The following TRMT1 variants were observed in gnomAD, a reference collection of about 807,000 sequenced individuals.
The protein encoded by TRMT1 is tRNA methyltransferase 1.
A neutral mutation model predicts 75.4 loss-of-function variants in TRMT1; 63 were observed. That is an observed-to-expected ratio of 0.84 (90% CI 0.68 to 1.03). The LOEUF is 1.03. Among genes scored for constraint, TRMT1 ranks in the 50% least tolerant of loss-of-function variants. TRMT1 has a pLI of 0.00. For missense variants in TRMT1, 870 were observed against 905.3 expected (o/e 0.96, Z 0.50); for synonymous variants, 382 against 358.1 (o/e 1.07, Z -0.75).
At position 13,107,797 on chromosome 19, in the gene TRMT1, T is replaced by C; in HGVS notation, c.1460A>G (p.Lys487Arg). Residue 487 changes from lysine (K) to arginine (R), a missense_variant, in exon 13 of 17, where the codon AAG (lysine) becomes AGG (arginine). By Grantham distance (26) the Lys-to-Arg change is conservative. Transcript: ENST00000357720. ...SLSHACKNAV[K>R]TDAPASALWD... ...GAGGGCAGAGGCAGGGGCATCCGTCTTCACAGCGTTCTTACAGGCGTGGGA... is the reference window on the plus strand; with the variant it reads ...GAGGGCAGAGGCAGGGGCATCCGTCCTCACAGCGTTCTTACAGGCGTGGGA... 1 of 1,552,406 alleles carries C rather than the reference T, an allele frequency of 6.4e-7. No individual in the cohort carries two copies. The highest frequency in any genetic ancestry group is 8.7e-7 in the Non-Finnish European group (1 of 1,147,348).
chr19:13,109,935 C>G lies in TRMT1; in HGVS notation c.1086G>C (p.Ala362=). ...GAFHLQRLGK[A]SGVPSGRAKF... is the part of the protein sequence containing the mutation. ...CTCACCGGCCGCTGGGGACTCCTGA[C>G]GCTTTGCCGAGACGCTGAAGGTGGA... Residue 362 remains alanine (A), a synonymous_variant, in exon 9 of 17, where the codon GCG becomes GCC. Coordinates refer to ENST00000357720, the MANE Select transcript of TRMT1 (RefSeq NM_001136035.4). The G allele has an allele frequency of 6.2e-7, 1 of 1,614,002 alleles. No individual in the cohort carries two copies. The highest frequency in any genetic ancestry group is 8.5e-7 in the Non-Finnish European group (1 of 1,179,992).
At chr19:13,112,671 G>A (rs1448529451) in intron 7 of TRMT1, 34 bp downstream of exon 7, 8 of 1,594,066 alleles carry the variant, frequency 5.0e-6, no homozygotes, top group Non-Finnish European at 6.0e-6. Flanking sequence ...CCTGTCCCCC[G>A]GTCTCCCTGG....
At position 13,115,728 on chromosome 19, in the gene TRMT1, C is replaced by T. The variant is rs1430162402; in HGVS notation, c.351G>A (p.Val117=). ...PGEKDTQKVV[V]DLSEQEEEKV... The stretch of plus-strand genomic sequence containing the variant: ...TTTCCTCCTCTTGCTCTGACAAGTC[C>T]ACGACCACTTTTTGCGTGTCCTTCT... Residue 117 remains valine (V), a synonymous_variant, in exon 4 of 17, where the codon GTG becomes GTA. Coordinates refer to ENST00000357720, the MANE Select transcript of TRMT1 (RefSeq NM_001136035.4). 1 of 1,614,090 alleles carries T rather than the reference C, an allele frequency of 6.2e-7. No homozygotes were observed. Among genetic ancestry groups the T allele is most frequent in the Admixed American group, 1.7e-5 (1 of 60,022 alleles).
intron 12 of TRMT1, among the ~76,000 whole-genome samples, chr19:13,108,909 C>T (rs1255947074): frequency 6.8e-6 from 1 of 146,910 alleles, no homozygotes; most frequent in Non-Finnish European, 1.5e-5. Flanking sequence ...TAAGCCTGGC[C>T]TAATTTTTTT....
chr19:13,110,089 C>T, intron 8 of TRMT1, 69 bp downstream of exon 8: 8 of 1,608,488 alleles, frequency 5.0e-6, no homozygotes, highest in Non-Finnish European at 6.8e-6. Context: ...CTTAAGAAGC[C>T]CCAGATCCCC....
chr19:13,116,282 C>T lies in TRMT1; in HGVS notation c.118G>A (p.Gly40Ser). The T allele has an allele frequency of 6.2e-7, 1 of 1,614,144 alleles. No homozygotes were observed. The highest frequency in any genetic ancestry group is 1.1e-5 in the South Asian group (1 of 91,080). Residue 40 changes from glycine to serine, a missense_variant, in exon 2 of 17, where the codon GGC (glycine) becomes AGC (serine). By Grantham distance (56) the Gly-to-Ser change is moderately conservative. Coordinates refer to ENST00000357720, the MANE Select transcript of TRMT1 (RefSeq NM_001136035.4). Reference protein sequence around the residue: ...GLPNTAAMENGTGPYGEERPR... With the variant: ...GLPNTAAMENSTGPYGEERPR... The stretch of plus-strand genomic sequence containing the variant: ...CGTTCTTCTCCGTAGGGCCCGGTGC[C>T]GTTCTCCATCGCTGCTGTATTCGGC...
intron 12 of TRMT1, among the ~76,000 whole-genome samples, chr19:13,108,538 C>T (rs1242116698): frequency 2.0e-5 from 3 of 152,144 alleles, no homozygotes; most frequent in Non-Finnish European, 2.9e-5. Flanking sequence ...AGTGATTCGC[C>T]CGCCTCAGCC....
In TRMT1 at chr19:13,116,732, A is replaced by C. The variant is rs541952931; in HGVS notation, c.-112T>G. On this transcript the variant is annotated 5_prime_UTR_variant, in exon 1 of 17. Transcript: ENST00000357720. ...AGGACCTGGGCGCCGCCATGTTGGC[A>C]CAGTGGGTGGGCGAATCACATGATA... 33 of 343,810 alleles carry C rather than the reference A, an allele frequency of 9.6e-5. No homozygotes were observed. The East Asian group carries it at 1.5e-3, about 16-fold the overall frequency. The allele number at this position is 343,810 out of a possible 1,614,324, so 21.3% of individuals were successfully genotyped here. A position where few individuals can be genotyped will look rare whatever the true frequency, so the allele number is the denominator to read the frequency against.
intron 14 of TRMT1, 59 bp downstream of exon 14, chr19:13,107,515 C>CA: frequency 6.5e-7 from 1 of 1,529,182 alleles, no homozygotes; most frequent in African/African-American, 1.4e-5. Context: ...TGTCTGCACA[C>CA]ACATGTGCTT....
chr19:13,116,109 C>T lies in TRMT1; in HGVS notation c.254+37G>A, dbSNP rs779861320. 1.5e-5 allele frequency: 25 copies of T among 1,613,832 alleles called. No homozygotes were observed. In the African/African-American group the frequency reaches 3.1e-4, roughly 20 times the overall value. On this transcript the variant is annotated intron_variant, in intron 2 of 16. Transcript: ENST00000357720. ...CGCCCCCGCCATCCACACTGACCCA[C>T]TAGCCGATGCCAGGCTAACGTCTGA... is the stretch of plus-strand genomic sequence containing the variant.
intron 12 of TRMT1, among the ~76,000 whole-genome samples, chr19:13,108,489 C>T (rs117752203): frequency 0.016 from 2,406 of 150,278 alleles, 35 homozygotes; most frequent in Non-Finnish European, 0.027. Flanking sequence ...GATGGGGTTT[C>T]GCCACGTTGA....
At chr19:13,113,207 G>A (rs1372976701) in intron 5 of TRMT1, among the ~76,000 whole-genome samples, 196 bp from the exon 6 acceptor site, 1 of 152,066 alleles carries the variant, frequency 6.6e-6, no homozygotes, top group Admixed American at 6.6e-5. Context: ...TCAGCCAGCT[G>A]GAGTGCAGTG....
Position 13,116,037 on chromosome 19 carries a change from G to A in TRMT1, c.270C>T (p.Thr90=), listed in dbSNP as rs1269062044. The change falls in exon 3 of 17, where the codon ACC becomes ACT. Residue 90 remains threonine, a synonymous_variant. Coordinates refer to ENST00000357720, the MANE Select transcript of TRMT1 (RefSeq NM_001136035.4). The part of the protein sequence containing the change: ...FNRDLTCAVI[T]EFARIQLGAK... Reference sequence around the variant, plus strand: ...CCCCAAGCTGAATGCGAGCAAACTCGGTGATCACAGCACATCTGGTGGGAG... The same window carrying A: ...CCCCAAGCTGAATGCGAGCAAACTCAGTGATCACAGCACATCTGGTGGGAG... 1 of 1,613,990 alleles carries A rather than the reference G, an allele frequency of 6.2e-7. No individual in the cohort carries two copies. The highest frequency in any genetic ancestry group is 8.5e-7 in the Non-Finnish European group (1 of 1,179,990).
Position 13,110,010 on chromosome 19 carries a change from G to C in TRMT1, c.1020-9C>G. 1 of 1,612,950 alleles carries C rather than the reference G, an allele frequency of 6.2e-7. No individual in the cohort carries two copies. The highest frequency in any genetic ancestry group is 2.2e-5 in the East Asian group (1 of 44,862). ...ACACCAGCGCCTGCTTGCTGTGGGG[G>C]GTACCAGTGGCCACGAGTTCCCAGC... On this transcript the variant is annotated splice_polypyrimidine_tract_variant and intron_variant, in intron 8 of 16. Coordinates refer to ENST00000357720, the MANE Select transcript of TRMT1 (RefSeq NM_001136035.4).
chr19:13,114,701 C>T (rs980137274), intron 5 of TRMT1, among the ~76,000 whole-genome samples: 10 of 150,994 alleles, frequency 6.6e-5, no homozygotes, highest in African/African-American at 2.4e-4. Flanking sequence ...ATTAGCCAGG[C>T]GTGGTGGCAC....
chr19:13,115,807 G>A (rs1182989788), intron 3 of TRMT1, 39 bp from the exon 4 acceptor site: 1 of 1,612,480 alleles, frequency 6.2e-7, no homozygotes, highest in African/African-American at 1.3e-5. Context: ...GAATAACAAG[G>A]TCCCCTCTGA....
At chr19:13,108,515 A>G (rs1229155296) in intron 12 of TRMT1, among the ~76,000 whole-genome samples, 1 of 134,436 alleles carries the variant, frequency 7.4e-6, no homozygotes, top group African/African-American at 2.8e-5. Context: ...CTGGTCTCGA[A>G]CTCCTGGCCT....
chr19:13,114,397 T>C (rs1333594647), intron 5 of TRMT1, among the ~76,000 whole-genome samples: 1 of 152,154 alleles, frequency 6.6e-6, no homozygotes, highest in South Asian at 2.1e-4. Flanking sequence ...CCAGGTGCAG[T>C]GGCTCATGCC....
chr19:13,112,735 C>T lies in TRMT1; in HGVS notation c.840G>A (p.Met280Ile). The T allele has an allele frequency of 1.9e-6, 3 of 1,613,318 alleles. No homozygotes were observed. The highest frequency in any genetic ancestry group is 2.5e-6 in the Non-Finnish European group (3 of 1,179,998). ...GETCYSKYGA[M>I]ALKSRACHEM... ...CGTGGCAGGCCCGGCTCTTGAGGGC[C>T]ATGGCCCCGTACTTGCTGTAGCACG... The change falls in exon 7 of 17, where the codon ATG becomes ATA. Residue 280 changes from methionine to isoleucine, a missense_variant. Met to Ile is a conservative substitution (Grantham distance 10, BLOSUM62 1). Coordinates refer to ENST00000357720, the MANE Select transcript of TRMT1 (RefSeq NM_001136035.4).
Sources: gnomAD v4.1 joint callset for allele counts (sites outside exome capture counted in the v4.1 genomes callset) on GRCh38, gnomAD v4.1.1 for gene constraint, MANE v1.5 for transcripts, NCBI Gene and HGNC (gene_info 2026-07-23, HGNC 2026-07-21) for gene names.